The following LRP1B variants were observed in gnomAD, a reference collection of about 807,000 sequenced individuals.
The protein encoded by LRP1B is low-density lipoprotein receptor-related protein 1B.
LRP1B carries 217 observed loss-of-function variants against 556.6 expected under a neutral mutation model. The ratio of observed to expected loss-of-function variants is 0.39; its 90% confidence interval spans 0.35 to 0.44. The LOEUF is 0.44. Ranked by LOEUF, LRP1B falls within the 20% of genes least tolerant of loss-of-function variation. The pLI, the probability that LRP1B is intolerant of heterozygous loss-of-function variation, is 1.00. For synonymous variants in LRP1B, 2,047 were observed against 1,865.8 expected (o/e 1.10, Z -2.50); for missense variants, 5,053 against 5,620.8 (o/e 0.90, Z 3.23).
In LRP1B at chr2:141,965,914, G is replaced by A. The variant is rs180688135; in HGVS notation, c.83-155513C>T. ...AATTTTATGCTATGAGCTAATTATT[G>A]AAATATTAAGTTGCTAAAACCATTG... On this transcript the variant is annotated intron_variant, in intron 1 of 90. Coordinates refer to ENST00000389484, the MANE Select transcript of LRP1B (RefSeq NM_018557.3). 2.7e-3 allele frequency among the ~76,000 whole-genome samples: 411 copies of A among 149,624 alleles called. 1 individual carries two copies. The highest frequency in any genetic ancestry group is 9.3e-3 in the African/African-American group (380 of 40,770).
chr2:140,882,370 C>T (rs1693501946), intron 25 of LRP1B, among the ~76,000 whole-genome samples: 1 of 152,070 alleles, frequency 6.6e-6, no homozygotes, highest in South Asian at 2.1e-4. Context: ...ATTGTTATTA[C>T]AGGAAGTAAT....
chr2:141,097,503 G>A (rs1275228104), intron 7 of LRP1B, among the ~76,000 whole-genome samples: 1 of 151,788 alleles, frequency 6.6e-6, no homozygotes, highest in East Asian at 1.9e-4. Context: ...TAAAGAAAAT[G>A]GAAAAAAGAA....
chr2:140,286,923 G>A lies in LRP1B; in HGVS notation c.12967+10885C>T, dbSNP rs190927755. Among the ~76,000 whole-genome samples, 149 of 151,692 alleles carry A rather than the reference G, an allele frequency of 9.8e-4. 2 individuals are homozygous for A. Among genetic ancestry groups the A allele is most frequent in the Admixed American group, 2.1e-3 (32 of 15,168 alleles). On this transcript the variant is annotated intron_variant, in intron 84 of 90. Transcript: ENST00000389484. ...TCGCACTTTAAACTTACAATTTTAG[G>A]AAATATTAACTTTTTTTTACAGATA...
At chr2:141,418,240 G>C (rs1008349940) in intron 3 of LRP1B, among the ~76,000 whole-genome samples, 1 of 152,024 alleles carries the variant, frequency 6.6e-6, no homozygotes, top group Non-Finnish European at 1.5e-5. Flanking sequence ...TTTTTAGTTT[G>C]ATGTAATCTC....
At position 140,499,423 on chromosome 2, in the gene LRP1B, A is replaced by AC. The variant is rs1033939371; in HGVS notation, c.8850+2263_8850+2264insG. ...ACTTTGAAATGTATCACATAGAACAAACACACACACACACATATACACACA... is the reference window on the plus strand; with the variant it reads ...ACTTTGAAATGTATCACATAGAACAACACACACACACACACATATACACACA... On this transcript the variant is annotated intron_variant, in intron 55 of 90. Transcript: ENST00000389484. 4.7e-3 allele frequency among the ~76,000 whole-genome samples: 706 copies of AC among 151,500 alleles called. 6 individuals are homozygous for AC. Among genetic ancestry groups the AC allele is most frequent in the African/African-American group, 0.016 (673 of 41,414 alleles).
intron 2 of LRP1B, among the ~76,000 whole-genome samples, chr2:141,625,371 G>T (rs1031139096): frequency 2.0e-5 from 3 of 152,118 alleles, no homozygotes; most frequent in African/African-American, 7.2e-5. Context: ...TTAAAAAAAT[G>T]TGTTGAATCA....
intron 3 of LRP1B, among the ~76,000 whole-genome samples, chr2:141,466,460 C>T (rs1374560798): frequency 1.3e-5 from 2 of 152,158 alleles, no homozygotes; most frequent in African/African-American, 4.8e-5. Context: ...TTTATTGAAG[C>T]AGTGTTTACC....
chr2:141,259,634 C>T (rs969205110), intron 3 of LRP1B, among the ~76,000 whole-genome samples: 4 of 152,170 alleles, frequency 2.6e-5, no homozygotes, highest in Non-Finnish European at 5.9e-5. Flanking sequence ...GGGAAGTCAA[C>T]CACTGATAAC....
intron 16 of LRP1B, 67 bp downstream of exon 16, chr2:140,993,928 C>A (rs1272640211): frequency 1.3e-6 from 2 of 1,499,476 alleles, no homozygotes; most frequent in Non-Finnish European, 1.8e-6. Context: ...CACAAACTGC[C>A]TTGATAATTC....
chr2:140,613,503 T>G (rs1217127665), intron 41 of LRP1B, among the ~76,000 whole-genome samples: 2 of 149,568 alleles, frequency 1.3e-5, no homozygotes, highest in Non-Finnish European at 3.0e-5. Context: ...TTTTAGTGAA[T>G]GTAGGATTGT....
chr2:140,605,341 A>G (rs1475927240), intron 41 of LRP1B, among the ~76,000 whole-genome samples: 1 of 152,096 alleles, frequency 6.6e-6, no homozygotes, highest in Admixed American at 6.6e-5. Flanking sequence ...CATCTATATT[A>G]ACTGTGAAGT....
At chr2:140,499,436 A>G (rs1689088600) in intron 55 of LRP1B, among the ~76,000 whole-genome samples, 1 of 151,992 alleles carries the variant, frequency 6.6e-6, no homozygotes, top group African/African-American at 2.4e-5. Flanking sequence ...ACACACACAC[A>G]CATATACACA....
intron 7 of LRP1B, among the ~76,000 whole-genome samples, chr2:141,143,180 C>G (rs1291601204): frequency 6.6e-6 from 1 of 152,106 alleles, no homozygotes; most frequent in Non-Finnish European, 1.5e-5. Context: ...CCACCCCACT[C>G]GGCCTCCCAA....
At chr2:141,015,310 T>C (rs149100020) in intron 13 of LRP1B, among the ~76,000 whole-genome samples, 2,529 of 152,218 alleles carry the variant, frequency 0.017, 33 homozygotes, top group Non-Finnish European at 0.023. Context: ...CTCAACTAAA[T>C]ACAATGTAAT....
chr2:140,947,265 T>A (rs1695574155), intron 20 of LRP1B, among the ~76,000 whole-genome samples: 4 of 152,346 alleles, frequency 2.6e-5, no homozygotes, highest in South Asian at 4.1e-4. Context: ...GAAGATTATA[T>A]ATGGAATGTT....
At chr2:140,881,621 A>G (rs1293335413) in intron 25 of LRP1B, among the ~76,000 whole-genome samples, 1 of 152,070 alleles carries the variant, frequency 6.6e-6, no homozygotes, top group African/African-American at 2.4e-5. Flanking sequence ...TGATTGTATA[A>G]GCATTATTTT....
chr2:141,111,127 A>T (rs777872167), intron 7 of LRP1B, among the ~76,000 whole-genome samples: 16 of 152,206 alleles, frequency 1.1e-4, no homozygotes, highest in Non-Finnish European at 2.2e-4. Flanking sequence ...CGTATTTAAG[A>T]GACTGTATTG....
intron 3 of LRP1B, among the ~76,000 whole-genome samples, chr2:141,264,795 T>G (rs1292171986): frequency 1.3e-5 from 2 of 152,180 alleles, no homozygotes; most frequent in African/African-American, 2.4e-5. Context: ...ATATGTTTTT[T>G]GGGTTTTGTT....
chr2:140,774,787 T>C (rs965671237), intron 33 of LRP1B, among the ~76,000 whole-genome samples: 10 of 152,190 alleles, frequency 6.6e-5, no homozygotes, highest in African/African-American at 2.4e-4. Flanking sequence ...TACAATTATT[T>C]TGATACAGAA....
Sources: allele counts gnomAD v4.1 joint callset (sites outside exome capture counted in the v4.1 genomes callset), GRCh38; gene constraint gnomAD v4.1.1; transcripts MANE v1.5; gene names NCBI Gene and HGNC (gene_info 2026-07-23, HGNC 2026-07-21).